DENND2A: variants seen among roughly 807,000 people sequenced by gnomAD.
The protein encoded by DENND2A is DENN domain-containing protein 2A.
A neutral mutation model predicts 105.3 loss-of-function variants in DENND2A; 53 were observed. That is an observed-to-expected ratio of 0.50 (90% CI 0.40 to 0.63). The LOEUF is 0.63. Among genes scored for constraint, DENND2A ranks in the 30% least tolerant of loss-of-function variants. DENND2A has a pLI of 0.00. For missense variants in DENND2A, 1,138 were observed against 1,279.6 expected, an observed-to-expected ratio of 0.89 and a Z score of 1.69; for synonymous variants, 522 against 508.4, an observed-to-expected ratio of 1.03 and a Z score of -0.36.
intron 5 of DENND2A, among the ~76,000 whole-genome samples, chr7:140,576,215 T>G (rs1311531976): frequency 2.6e-5 from 4 of 152,130 alleles, no homozygotes; most frequent in Non-Finnish European, 5.9e-5. Flanking sequence ...GCTGTAAGTG[T>G]GCTTTTCCCA....
At chr7:140,524,528 G>GCGCACACA (rs1024135016) in intron 16 of DENND2A, among the ~76,000 whole-genome samples, 3 of 151,796 alleles carry the variant, frequency 2.0e-5, no homozygotes, top group African/African-American at 7.3e-5. Context: ...ACGTGCGTGC[G>GCGCACACA]CGCACACACG....
At chr7:140,572,176 T>A (rs888821644) in intron 6 of DENND2A, among the ~76,000 whole-genome samples, 4 of 151,962 alleles carry the variant, frequency 2.6e-5, no homozygotes, top group Non-Finnish European at 5.9e-5. Flanking sequence ...TGGCTAATTT[T>A]AAATTTTTTT....
intron 14 of DENND2A, among the ~76,000 whole-genome samples, chr7:140,531,729 C>T (rs1243975325): frequency 2.6e-5 from 4 of 151,540 alleles, no homozygotes; most frequent in African/African-American, 7.3e-5. Flanking sequence ...GCAGGAGAAT[C>T]GCTTGAACCC....
chr7:140,533,122 G>A (rs1355806534), intron 14 of DENND2A, among the ~76,000 whole-genome samples: 1 of 151,454 alleles, frequency 6.6e-6, no homozygotes, highest in African/African-American at 2.4e-5. Context: ...CTCCCAAGCA[G>A]CTGGGACTAC....
chr7:140,585,677 A>T lies in DENND2A; in HGVS notation c.1157T>A (p.Ile386Asn). The T allele has an allele frequency of 6.2e-7, 1 of 1,614,178 alleles. No individual in the cohort carries two copies. Among genetic ancestry groups the T allele is most frequent in the Non-Finnish European group, 8.5e-7 (1 of 1,180,038 alleles). Reference sequence around the variant, plus strand: ...TCCCAGGCAGCGACCATGTAACTCGATGTCCTCATAAGGGTTCTCCTTCAT... The same window carrying T: ...TCCCAGGCAGCGACCATGTAACTCGTTGTCCTCATAAGGGTTCTCCTTCAT... The part of the protein sequence containing the change: ...PPMKENPYED[I>N]ELHGRCLGKK... The change falls in exon 5 of 20, where the codon ATC becomes AAC. Residue 386 changes from isoleucine to asparagine, a missense_variant. By Grantham distance (149) the Ile-to-Asn change is moderately radical. Coordinates refer to ENST00000496613, the MANE Select transcript of DENND2A (RefSeq NM_015689.5).
rs1453688908 is a variant in DENND2A, at chr7:140,559,641, C to A, written c.1889+67G>T. 4.2e-6 allele frequency: 5 copies of A among 1,196,906 alleles called. No homozygotes were observed. The highest frequency in any genetic ancestry group is 6.2e-6 in the Non-Finnish European group (5 of 810,098). The allele number at this position is 1,196,906 out of a possible 1,614,324, so 74.1% of individuals were successfully genotyped here. A position where few individuals can be genotyped will look rare whatever the true frequency, so the allele number is the denominator to read the frequency against. On this transcript the variant is annotated intron_variant, in intron 10 of 19. Transcript: ENST00000496613. This position sits in a 1 kb window ranked among gnomAD's most constrained non-coding sequence, Gnocchi z 4.1. ...TGGGAATGACTCATGTGGTCTGCCA[C>A]CTGTAACCCCGTCTCTAAGTCTCGC...
At chr7:140,579,070 C>A (rs899500320) in intron 5 of DENND2A, among the ~76,000 whole-genome samples, 1 of 151,964 alleles carries the variant, frequency 6.6e-6, no homozygotes, top group Non-Finnish European at 1.5e-5. Flanking sequence ...CCACGTTGGG[C>A]GGATCACAAG....
chr7:140,573,946 CA>C lies in DENND2A; in HGVS notation c.1307del (p.Leu436ArgfsTer6). ...CATCCCGACTCAGCTTCCTAGTGTC[CA>C]GCAGCTTGAAGTTCCTCCTCTCTGA... ...QNSERRNFKL[L>X]DTRKLSRDGT... On this transcript the variant is annotated frameshift_variant, in exon 6 of 20. Coordinates refer to ENST00000496613, the MANE Select transcript of DENND2A (RefSeq NM_015689.5). LOFTEE classifies it high-confidence loss of function. The C allele has an allele frequency of 6.2e-7, 1 of 1,614,126 alleles. No homozygotes were observed.
intron 14 of DENND2A, among the ~76,000 whole-genome samples, chr7:140,542,696 G>C (rs983212999): frequency 6.6e-6 from 1 of 151,414 alleles, no homozygotes; most frequent in African/African-American, 2.4e-5. Context: ...CCAGGTAGCT[G>C]GGATTACAGG....
rs141266358 is a variant in DENND2A at position 140,606,731 on chromosome 7, A to G, written c.-247-925T>C. ...ACCAGGAGATGGTCTTGGCAAACCCAGGAATCCCACTGAGTTCCTTAAACC... is the reference window on the plus strand; with the variant it reads ...ACCAGGAGATGGTCTTGGCAAACCCGGGAATCCCACTGAGTTCCTTAAACC... On this transcript the variant is annotated intron_variant, in intron 1 of 19. Transcript: ENST00000496613. 2.4e-4 allele frequency among the ~76,000 whole-genome samples: 37 copies of G among 152,266 alleles called. 1 individual carries two copies. Among genetic ancestry groups the G allele is most frequent in the African/African-American group, 7.9e-4 (33 of 41,552 alleles).
Position 140,546,885 on chromosome 7 carries a change from G to A in DENND2A, c.2092C>T (p.Leu698Phe), listed in dbSNP as rs751023671. 5.0e-6 allele frequency: 8 copies of A among 1,614,046 alleles called. No individual in the cohort carries two copies. In the South Asian group the frequency reaches 7.7e-5, roughly 16 times the overall value. Reference protein sequence around the residue: ...RGISPALVQPLMRSVMEAPFP... With the variant: ...RGISPALVQPFMRSVMEAPFP... ...GGGGCTTCCATGACACTTCTCATGA[G>A]TGGCTGAACCAGGGCAGGAGAGATG... Residue 698 changes from leucine (L) to phenylalanine (F), a missense_variant, in exon 13 of 20, where the codon CTC becomes TTC. Around this residue, in one of 2 missense-constraint regions of DENND2A, gnomAD observed 627 missense variants for 779.8 expected, o/e 0.80. Coordinates refer to ENST00000496613, the MANE Select transcript of DENND2A (RefSeq NM_015689.5).
At chr7:140,582,259 T>C (rs1798577690) in intron 5 of DENND2A, among the ~76,000 whole-genome samples, 1 of 151,980 alleles carries the variant, frequency 6.6e-6, no homozygotes, top group African/African-American at 2.4e-5. Context: ...GCCACCGCGC[T>C]TGGCCTGGGC....
At chr7:140,581,007 A>G (rs1798519323) in intron 5 of DENND2A, among the ~76,000 whole-genome samples, 1 of 151,308 alleles carries the variant, frequency 6.6e-6, no homozygotes, top group Non-Finnish European at 1.5e-5. Context: ...TTATGCCTGT[A>G]ATCCCAGCAC....
intron 1 of DENND2A, among the ~76,000 whole-genome samples, chr7:140,606,975 T>A (rs1172283714): frequency 6.6e-6 from 1 of 152,158 alleles, no homozygotes; most frequent in African/African-American, 2.4e-5. Context: ...ATGGGGCCCA[T>A]CAGAGAAGGC....
At chr7:140,528,650 C>T (rs1190793156) in intron 14 of DENND2A, among the ~76,000 whole-genome samples, 3 of 151,792 alleles carry the variant, frequency 2.0e-5, no homozygotes, top group Non-Finnish European at 4.4e-5. Context: ...CGCCCAGCTA[C>T]TCAGGAGGCT....
intron 14 of DENND2A, among the ~76,000 whole-genome samples, chr7:140,539,744 G>A (rs1025984494): frequency 1.3e-5 from 2 of 152,246 alleles, no homozygotes; most frequent in African/African-American, 2.4e-5. Flanking sequence ...GCCACTCCAC[G>A]CCCCGTCGCT....
chr7:140,611,136 C>A (rs1400509214), intron 1 of DENND2A, among the ~76,000 whole-genome samples: 1 of 152,176 alleles, frequency 6.6e-6, no homozygotes, highest in Non-Finnish European at 1.5e-5. Flanking sequence ...ACTCCACCTC[C>A]CAGGTTCAAG....
At chr7:140,553,925 C>G (rs1373392754) in intron 12 of DENND2A, among the ~76,000 whole-genome samples, 4 of 152,296 alleles carry the variant, frequency 2.6e-5, no homozygotes, top group East Asian at 1.9e-4. Context: ...AGTCTGATCT[C>G]TCTTTCTTTT....
chr7:140,565,060 T>A (rs1019699689), intron 9 of DENND2A, among the ~76,000 whole-genome samples: 1 of 152,150 alleles, frequency 6.6e-6, no homozygotes, highest in Non-Finnish European at 1.5e-5. Flanking sequence ...TCAATCTACA[T>A]AATTGCTATC....
Sources: allele counts gnomAD v4.1 joint callset (sites outside exome capture counted in the v4.1 genomes callset), GRCh38; gene constraint gnomAD v4.1.1; regional missense constraint gnomAD v4.1.1; non-coding constraint Gnocchi (gnomAD v3.1); transcripts MANE v1.5; gene names NCBI Gene and HGNC (gene_info 2026-07-23, HGNC 2026-07-21).